Variants in NTNG1 observed in about 807,000 individuals in gnomAD.
NTNG1 encodes netrin-G1.
NTNG1 carries 16 observed loss-of-function variants against 54.0 expected under a neutral mutation model. That is an observed-to-expected ratio of 0.30 (90% CI 0.20 to 0.45). The LOEUF is 0.45. Among genes scored for constraint, NTNG1 ranks in the 20% least tolerant of loss-of-function variants. NTNG1 has a pLI of 1.00. For synonymous variants in NTNG1, 255 were observed against 263.1 expected, an observed-to-expected ratio of 0.97 and a Z score of 0.30; for missense variants, 530 against 678.7, an observed-to-expected ratio of 0.78 and a Z score of 2.43.
chr1:107,324,017 C>T (rs912064194), intron 2 of NTNG1, among the ~76,000 whole-genome samples: 1 of 151,928 alleles, frequency 6.6e-6, no homozygotes, highest in Non-Finnish European at 1.5e-5. Context: ...CTTCTGTGAC[C>T]ACATTATGGG....
rs1669267934 is a variant in NTNG1 at position 107,346,794 on chromosome 1, C to T, written c.887+21872C>T. ...CCAGGACTTTCTTATTTTGTATATG[C>T]ATTTGTGAAGAATGTGAACATAGTA... On this transcript the variant is annotated intron_variant, in intron 3 of 7. Transcript: ENST00000370068. 2.8e-5 allele frequency among the ~76,000 whole-genome samples: 4 copies of T among 144,940 alleles called. No individual in the cohort carries two copies. The South Asian group carries it at 8.6e-4, about 31-fold the overall frequency.
intron 5 of NTNG1, among the ~76,000 whole-genome samples, chr1:107,428,774 C>G (rs948239136): frequency 6.6e-6 from 1 of 152,078 alleles, no homozygotes; most frequent in Non-Finnish European, 1.5e-5. Context: ...TTTTCTGACT[C>G]CCTCAGAAGT....
Position 107,240,954 on chromosome 1 carries a change from G to A in NTNG1, c.247-83328G>A, listed in dbSNP as rs149840684. Among the ~76,000 whole-genome samples, 1,277 of 152,134 alleles carry A rather than the reference G, an allele frequency of 8.4e-3. 8 individuals carry two copies. Among genetic ancestry groups the A allele is most frequent in the Non-Finnish European group, 0.013 (910 of 67,984 alleles). The stretch of plus-strand genomic sequence containing the variant: ...TTTTGGGAGATGACAGATCTAAAAC[G>A]AATTTCTTTAAAATCACTTCGGATT... On this transcript the variant is annotated intron_variant, in intron 2 of 7. Coordinates refer to ENST00000370068, the MANE Select transcript of NTNG1 (RefSeq NM_001113226.3).
intron 2 of NTNG1, among the ~76,000 whole-genome samples, chr1:107,238,869 C>T (rs1661601638): frequency 6.6e-6 from 1 of 151,464 alleles, no homozygotes; most frequent in Non-Finnish European, 1.5e-5. Context: ...ATACATAATG[C>T]TTTCCATATT....
At chr1:107,272,332 G>C (rs1664203108) in intron 2 of NTNG1, among the ~76,000 whole-genome samples, 1 of 152,048 alleles carries the variant, frequency 6.6e-6, no homozygotes, top group Non-Finnish European at 1.5e-5. Context: ...CGGGAACACA[G>C]ATAATCATCA....
chr1:107,454,733 T>G (rs1299415020), intron 7 of NTNG1, among the ~76,000 whole-genome samples: 6 of 152,236 alleles, frequency 3.9e-5, no homozygotes, highest in Admixed American at 2.0e-4. Context: ...AGAGGTAACC[T>G]TATTCCAACA....
chr1:107,477,874 T>C (rs1162526719), intron 7 of NTNG1, among the ~76,000 whole-genome samples: 1 of 152,232 alleles, frequency 6.6e-6, no homozygotes, highest in Non-Finnish European at 1.5e-5. Flanking sequence ...TTAAGCTCAA[T>C]GGAATTGATA....
intron 2 of NTNG1, among the ~76,000 whole-genome samples, chr1:107,284,823 A>G (rs1289602539): frequency 6.6e-6 from 1 of 152,128 alleles, no homozygotes; most frequent in African/African-American, 2.4e-5. Flanking sequence ...CTGATATTAA[A>G]AAGTGAAGAA....
intron 2 of NTNG1, among the ~76,000 whole-genome samples, chr1:107,287,613 G>A (rs968165789): frequency 6.6e-6 from 1 of 152,084 alleles, no homozygotes; most frequent in Non-Finnish European, 1.5e-5. Context: ...TAAATTTAGA[G>A]GGTTGATGGT....
chr1:107,212,953 C>A (rs72981682), intron 2 of NTNG1, among the ~76,000 whole-genome samples: 83 of 151,938 alleles, frequency 5.5e-4, no homozygotes, highest in African/African-American at 1.8e-3. Context: ...CTGGGAACAT[C>A]CCAGGGCAAT....
chr1:107,203,488 C>T (rs190521713), intron 2 of NTNG1, among the ~76,000 whole-genome samples: 1 of 151,064 alleles, frequency 6.6e-6, no homozygotes, highest in Non-Finnish European at 1.5e-5. Context: ...TGTAGATAAG[C>T]AGTTATTCTT....
intron 3 of NTNG1, among the ~76,000 whole-genome samples, chr1:107,366,564 A>G (rs890690684): frequency 4.6e-5 from 7 of 152,206 alleles, no homozygotes; most frequent in African/African-American, 1.4e-4. Context: ...GTAGACAAAA[A>G]CTATTTCTGT....
At chr1:107,275,051 G>A (rs1664373421) in intron 2 of NTNG1, among the ~76,000 whole-genome samples, 1 of 152,040 alleles carries the variant, frequency 6.6e-6, no homozygotes, top group Admixed American at 6.6e-5. Flanking sequence ...GAACTAACAG[G>A]GCATGTGTAC....
chr1:107,225,746 T>C (rs1293114482), intron 2 of NTNG1, among the ~76,000 whole-genome samples: 1 of 152,192 alleles, frequency 6.6e-6, no homozygotes, highest in African/African-American at 2.4e-5. Flanking sequence ...GAAGTTCTCA[T>C]GTGTGTCCAG....
intron 7 of NTNG1, among the ~76,000 whole-genome samples, chr1:107,464,610 A>C (rs374658713): frequency 6.6e-6 from 1 of 152,150 alleles, no homozygotes; most frequent in South Asian, 2.1e-4. Context: ...AACCAAATGA[A>C]GTGATCCAAG....
chr1:107,250,838 A>G (rs1435465262), intron 2 of NTNG1, among the ~76,000 whole-genome samples: 2 of 152,240 alleles, frequency 1.3e-5, no homozygotes, highest in African/African-American at 2.4e-5. Flanking sequence ...CAACTGGTGG[A>G]GTGGGTGTCT....
At chr1:107,176,648 A>T (rs1409453873) in intron 2 of NTNG1, among the ~76,000 whole-genome samples, 1 of 152,152 alleles carries the variant, frequency 6.6e-6, no homozygotes, top group Non-Finnish European at 1.5e-5. Flanking sequence ...TATGTTAGGA[A>T]TTGACTAACA....
chr1:107,358,667 A>C (rs1670084720), intron 3 of NTNG1, among the ~76,000 whole-genome samples: 1 of 147,370 alleles, frequency 6.8e-6, no homozygotes, highest in Admixed American at 6.7e-5. Context: ...CATTCCAGGA[A>C]AAAAAAAAAG....
intron 3 of NTNG1, among the ~76,000 whole-genome samples, chr1:107,378,160 A>G (rs562237604): frequency 1.3e-5 from 2 of 152,258 alleles, no homozygotes; most frequent in South Asian, 4.1e-4. Flanking sequence ...CAGAGAAATT[A>G]GACAATAGGT....
Sources: allele counts gnomAD v4.1 joint callset (sites outside exome capture counted in the v4.1 genomes callset), GRCh38; gene constraint gnomAD v4.1.1; transcripts MANE v1.5; gene names NCBI Gene and HGNC (gene_info 2026-07-23, HGNC 2026-07-21).